The following KCNQ3 variants were observed in gnomAD, a reference collection of about 807,000 sequenced individuals.
KCNQ3 encodes potassium voltage-gated channel subfamily KQT member 3.
Under a neutral mutation model 92.5 loss-of-function variants are expected in KCNQ3, and 30 were observed. The ratio of observed to expected loss-of-function variants is 0.32; its 90% CI spans 0.24 to 0.44. The LOEUF is 0.44. Ranked by LOEUF, KCNQ3 falls within the 20% of genes least tolerant of loss-of-function variation. The pLI is 1.00. For missense variants in KCNQ3, 913 were observed against 1,140.3 expected (o/e 0.80, Z 2.87); for synonymous variants, 450 against 468.8 (o/e 0.96, Z 0.52).
chr8:132,395,368 T>C (rs896297820), intron 1 of KCNQ3, among the ~76,000 whole-genome samples: 4 of 152,104 alleles, frequency 2.6e-5, no homozygotes, highest in African/African-American at 9.7e-5. Flanking sequence ...TTCCTCCTGT[T>C]TTTCCCAGAA....
intron 1 of KCNQ3, among the ~76,000 whole-genome samples, chr8:132,409,124 C>A (rs1368373034): frequency 6.6e-6 from 1 of 152,120 alleles, no homozygotes; most frequent in Non-Finnish European, 1.5e-5. Flanking sequence ...CTAGGGGTGA[C>A]AAATACAAGC....
intron 1 of KCNQ3, among the ~76,000 whole-genome samples, chr8:132,256,844 C>T (rs1409434739): frequency 6.6e-6 from 1 of 152,112 alleles, no homozygotes; most frequent in African/African-American, 2.4e-5. Context: ...GCTTGCAGAC[C>T]TTCACTACAA....
At chr8:132,172,723 C>T (rs1315287975) in intron 6 of KCNQ3, 30 bp from the exon 7 acceptor site, 2 of 1,537,454 alleles carry the variant, frequency 1.3e-6, no homozygotes, top group Non-Finnish European at 1.8e-6. Context: ...GGCAGTCAGC[C>T]CCCAGCTAGA....
At chr8:132,238,196 G>C (rs1176539182) in intron 1 of KCNQ3, among the ~76,000 whole-genome samples, 2 of 152,064 alleles carry the variant, frequency 1.3e-5, no homozygotes, top group Non-Finnish European at 2.9e-5. Flanking sequence ...CTCGGCGGAG[G>C]GGGTATGCTT....
intron 1 of KCNQ3, among the ~76,000 whole-genome samples, chr8:132,369,099 C>T (rs552818451): frequency 6.6e-6 from 1 of 152,206 alleles, no homozygotes; most frequent in African/African-American, 2.4e-5. Context: ...GGTGTTCTTT[C>T]TTCTCATGAT....
intron 1 of KCNQ3, among the ~76,000 whole-genome samples, chr8:132,246,813 A>G (rs186726560): frequency 8.1e-4 from 123 of 152,300 alleles, no homozygotes; most frequent in African/African-American, 2.8e-3. Flanking sequence ...AGCACCATGG[A>G]GAAGTATATT....
chr8:132,312,195 T>A (rs1817614498), intron 1 of KCNQ3, among the ~76,000 whole-genome samples: 1 of 152,228 alleles, frequency 6.6e-6, no homozygotes, highest in Admixed American at 6.5e-5. Flanking sequence ...TTTCTGTTGT[T>A]TTAAGTCACT....
chr8:132,193,689 T>A (rs1174605305), intron 1 of KCNQ3, among the ~76,000 whole-genome samples: 1 of 152,168 alleles, frequency 6.6e-6, no homozygotes, highest in Non-Finnish European at 1.5e-5. Flanking sequence ...TTTTCGTACA[T>A]CATTTTCTCT....
intron 1 of KCNQ3, among the ~76,000 whole-genome samples, chr8:132,336,161 G>T (rs1332655547): frequency 6.6e-6 from 1 of 152,166 alleles, no homozygotes; most frequent in Non-Finnish European, 1.5e-5. Flanking sequence ...ATAGGGCAGG[G>T]TCTAGGGCTG....
At chr8:132,474,213 G>A (rs1337018613) in intron 1 of KCNQ3, among the ~76,000 whole-genome samples, 1 of 152,178 alleles carries the variant, frequency 6.6e-6, no homozygotes, top group East Asian at 1.9e-4. Context: ...TCCCTATTCA[G>A]AATTAACTAA....
In KCNQ3 at chr8:132,152,499, A is replaced by G. The variant is rs538131455; in HGVS notation, c.1262+10969T>C. Among the ~76,000 whole-genome samples the G allele has an allele frequency of 2.7e-4, 41 of 152,320 alleles. 1 individual carries two copies. The highest frequency in any genetic ancestry group is 5.3e-4 in the Non-Finnish European group (36 of 68,034). On this transcript the variant is annotated intron_variant, in intron 9 of 14. Transcript: ENST00000388996. Reference sequence around the variant, plus strand: ...GCAATACAATTGTTTGCATCACTGCAATAAGAATCCATTTTCTTTTGCAAC... The same window carrying G: ...GCAATACAATTGTTTGCATCACTGCGATAAGAATCCATTTTCTTTTGCAAC...
intron 1 of KCNQ3, among the ~76,000 whole-genome samples, chr8:132,314,570 A>G (rs750768054): frequency 6.6e-6 from 1 of 152,234 alleles, no homozygotes; most frequent in Non-Finnish European, 1.5e-5. Context: ...TTTAATAACA[A>G]AAACAATAAG....
At chr8:132,305,944 A>G (rs1817409163) in intron 1 of KCNQ3, among the ~76,000 whole-genome samples, 3 of 152,030 alleles carry the variant, frequency 2.0e-5, no homozygotes, top group Non-Finnish European at 4.4e-5. Context: ...TCTGAATGAC[A>G]GATAGTGCAA....
At chr8:132,296,913 G>C (rs1817049824) in intron 1 of KCNQ3, among the ~76,000 whole-genome samples, 2 of 152,030 alleles carry the variant, frequency 1.3e-5, no homozygotes, top group South Asian at 2.1e-4. Context: ...CCAGTAATGG[G>C]ATGGCTGGGT....
intron 3 of KCNQ3, among the ~76,000 whole-genome samples, chr8:132,182,882 GCACACACACACA>G (rs3993055): frequency 2.1e-5 from 3 of 145,990 alleles, no homozygotes; most frequent in African/African-American, 5.0e-5. Flanking sequence ...CTCCAATATC[GCACACACACACA>G]CACACACACA....
At chr8:132,133,401 G>A (rs1586754954) in intron 13 of KCNQ3, among the ~76,000 whole-genome samples, 2 of 134,840 alleles carry the variant, frequency 1.5e-5, no homozygotes, top group African/African-American at 5.4e-5. Context: ...CTTTTGCCAG[G>A]CTGGAATGCA....
intron 1 of KCNQ3, among the ~76,000 whole-genome samples, chr8:132,395,974 G>C (rs1820181307): frequency 6.6e-6 from 1 of 152,170 alleles, no homozygotes; most frequent in Non-Finnish European, 1.5e-5. Context: ...TCCCAGCTCT[G>C]CCAATCTGAT....
intron 1 of KCNQ3, among the ~76,000 whole-genome samples, chr8:132,333,820 G>A (rs905697281): frequency 3.3e-5 from 5 of 151,450 alleles, no homozygotes; most frequent in South Asian, 2.1e-4. Context: ...TGCAGCCTCC[G>A]GTTCCCGAGT....
At chr8:132,306,048 T>A (rs1817412113) in intron 1 of KCNQ3, among the ~76,000 whole-genome samples, 1 of 152,202 alleles carries the variant, frequency 6.6e-6, no homozygotes, top group Non-Finnish European at 1.5e-5. Context: ...AATTTACAGA[T>A]GCAGAAACCT....
Sources: gnomAD v4.1 joint callset for allele counts (sites outside exome capture counted in the v4.1 genomes callset) on GRCh38, gnomAD v4.1.1 for gene constraint, MANE v1.5 for transcripts, NCBI Gene and HGNC (gene_info 2026-07-23, HGNC 2026-07-21) for gene names.